CDK19: variants seen among roughly 807,000 people sequenced by gnomAD.
CDK19 encodes cyclin dependent kinase 19.
A neutral mutation model predicts 68.3 loss-of-function variants in CDK19; 20 were observed. The ratio of observed to expected loss-of-function variants is 0.29; its 90% confidence interval spans 0.21 to 0.43. The LOEUF (loss-of-function observed/expected upper bound fraction) is 0.43, where lower values mean the gene tolerates loss of function less well. Among genes scored for constraint, CDK19 ranks in the 20% least tolerant of loss-of-function variants. The pLI, the probability that CDK19 is intolerant of heterozygous loss-of-function variation, is 1.00. For synonymous variants in CDK19, 221 were observed against 222.8 expected (o/e 0.99, Z 0.07); for missense variants, 339 against 623.5 (o/e 0.54, Z 4.86).
At position 110,611,116 on chromosome 6, in the gene CDK19, G is replaced by C. The variant is rs1212700508; in HGVS notation, c.*3419C>G. ...CACTGCATGATCTACTTCATCACAA[G>C]GATTGTTTCAGCCTCATAGTATCAG... On this transcript the variant is annotated 3_prime_UTR_variant, in exon 13 of 13. Coordinates refer to ENST00000368911, the MANE Select transcript of CDK19 (RefSeq NM_015076.5). 2.0e-5 allele frequency: 3 copies of C among 152,114 alleles called. No individual in the cohort carries two copies. The highest frequency in any genetic ancestry group is 7.2e-5 in the African/African-American group (3 of 41,422). The allele number at this position is 152,114 out of a possible 1,614,324, so 9.4% of individuals were successfully genotyped here. A position where few individuals can be genotyped will look rare whatever the true frequency, so the allele number is the denominator to read the frequency against.
chr6:110,723,479 G>C (rs1776093848), intron 2 of CDK19, among the ~76,000 whole-genome samples: 1 of 152,130 alleles, frequency 6.6e-6, no homozygotes, highest in Non-Finnish European at 1.5e-5. Flanking sequence ...GTGTTAAACA[G>C]CAGTATTAAC....
intron 1 of CDK19, among the ~76,000 whole-genome samples, chr6:110,787,846 T>G (rs941412822): frequency 8.6e-5 from 13 of 151,476 alleles, no homozygotes; most frequent in Admixed American, 3.3e-4. Context: ...TTTTGTTTGT[T>G]TGTTTCGTTT....
intron 1 of CDK19, among the ~76,000 whole-genome samples, chr6:110,779,330 A>G (rs1304238503): frequency 2.0e-5 from 3 of 152,142 alleles, no homozygotes; most frequent in Non-Finnish European, 4.4e-5. Context: ...TCCTCCAAAA[A>G]GCTTTCCTGC....
At chr6:110,637,555 G>C (rs1779860031) in intron 5 of CDK19, among the ~76,000 whole-genome samples, 1 of 152,178 alleles carries the variant, frequency 6.6e-6, no homozygotes, top group African/African-American at 2.4e-5. Flanking sequence ...TTTGTAGTGG[G>C]TCAAGTGAGC....
chr6:110,670,677 C>A (rs972224225), intron 2 of CDK19, 136 bp from the exon 3 acceptor site: 1 of 663,206 alleles, frequency 1.5e-6, no homozygotes, highest in Non-Finnish European at 2.7e-6. Context: ...AAAAATACCA[C>A]CCAAAATACT....
chr6:110,723,903 A>G (rs906857561), intron 2 of CDK19, among the ~76,000 whole-genome samples: 1 of 152,328 alleles, frequency 6.6e-6, no homozygotes, highest in East Asian at 1.9e-4. Flanking sequence ...TTATCTAGAA[A>G]AAAATGATTA....
chr6:110,687,235 G>A (rs1174303836), intron 2 of CDK19, among the ~76,000 whole-genome samples: 1 of 152,112 alleles, frequency 6.6e-6, no homozygotes, highest in Non-Finnish European at 1.5e-5. Flanking sequence ...CCACTTTTCA[G>A]GACATTGGGC....
At chr6:110,809,091 TGTA>T (rs1782886633) in intron 1 of CDK19, among the ~76,000 whole-genome samples, 1 of 150,914 alleles carries the variant, frequency 6.6e-6, no homozygotes, top group African/African-American at 2.4e-5. Flanking sequence ...GGTGGGCGCC[TGTA>T]GTCCCAGCTA....
chr6:110,783,587 G>A (rs1041731927), intron 1 of CDK19, among the ~76,000 whole-genome samples: 2 of 148,276 alleles, frequency 1.3e-5, no homozygotes, highest in African/African-American at 2.5e-5. Flanking sequence ...TCCGTGAGCC[G>A]AGATCACACC....
At chr6:110,643,225 C>T in intron 4 of CDK19, 1 of 1,282,858 alleles carries the variant, frequency 7.8e-7, no homozygotes, top group Non-Finnish European at 1.0e-6. Flanking sequence ...AATACATTTT[C>T]CAGCTAAAAG....
chr6:110,806,879 G>A (rs1026357310), intron 1 of CDK19, among the ~76,000 whole-genome samples: 3 of 152,262 alleles, frequency 2.0e-5, no homozygotes, highest in Admixed American at 2.0e-4. Flanking sequence ...TCAGGAGGCT[G>A]AGGCAGGAAA....
At position 110,733,478 on chromosome 6, in the gene CDK19, T is replaced by C. The variant is rs2114807968; in HGVS notation, c.204+12648A>G. ...GGGTACAAATTACTTAAAAATGGAA[T>C]TGCTGGATCATGCAATAGGTATATG... On this transcript the variant is annotated intron_variant, in intron 2 of 12. Coordinates refer to ENST00000368911, the MANE Select transcript of CDK19 (RefSeq NM_015076.5). Among the ~76,000 whole-genome samples the C allele has an allele frequency of 2.0e-5, 3 of 152,302 alleles. No homozygotes were observed. In the Middle Eastern group the frequency reaches 0.01, roughly 518 times the overall value.
At chr6:110,762,082 T>C (rs1242025158) in intron 1 of CDK19, among the ~76,000 whole-genome samples, 1 of 152,198 alleles carries the variant, frequency 6.6e-6, no homozygotes, top group Non-Finnish European at 1.5e-5. Context: ...GTGATCTACT[T>C]TCTCATACCC....
At chr6:110,742,299 T>C (rs908348329) in intron 2 of CDK19, among the ~76,000 whole-genome samples, 2 of 152,324 alleles carry the variant, frequency 1.3e-5, no homozygotes, top group South Asian at 2.1e-4. Flanking sequence ...ATAATACTCT[T>C]ATAATTTCTT....
At chr6:110,794,910 G>A (rs1200576029) in intron 1 of CDK19, among the ~76,000 whole-genome samples, 1 of 151,978 alleles carries the variant, frequency 6.6e-6, no homozygotes, top group Non-Finnish European at 1.5e-5. Context: ...TAACATAAAA[G>A]TAGAAAAATG....
chr6:110,624,419 T>A (rs1394139107), intron 8 of CDK19, among the ~76,000 whole-genome samples: 1 of 152,116 alleles, frequency 6.6e-6, no homozygotes, highest in East Asian at 1.9e-4. Context: ...TAAAAATAGG[T>A]AATGTATGTT....
intron 2 of CDK19, among the ~76,000 whole-genome samples, chr6:110,715,320 C>A (rs554748383): frequency 1.1e-3 from 173 of 152,166 alleles, no homozygotes; most frequent in African/African-American, 3.6e-3. Context: ...CTAATAGGGT[C>A]AAAAATAACT....
intron 2 of CDK19, among the ~76,000 whole-genome samples, chr6:110,731,062 AAAG>A (rs1421108963): frequency 6.6e-6 from 1 of 151,810 alleles, no homozygotes; most frequent in Non-Finnish European, 1.5e-5. Context: ...CAAACAAAAA[AAAG>A]AAAGAAAGAA....
At chr6:110,702,374 G>A (rs994732992) in intron 2 of CDK19, among the ~76,000 whole-genome samples, 2 of 152,116 alleles carry the variant, frequency 1.3e-5, no homozygotes, top group African/African-American at 4.8e-5. Context: ...GCTTGAGCCT[G>A]GGTGGTTGAG....
Sources: gnomAD v4.1 joint callset for allele counts (sites outside exome capture counted in the v4.1 genomes callset) on GRCh38, gnomAD v4.1.1 for gene constraint, MANE v1.5 for transcripts, NCBI Gene and HGNC (gene_info 2026-07-23, HGNC 2026-07-21) for gene names.